The following ADAMTS2 variants were observed in gnomAD, a reference collection of about 807,000 sequenced individuals.
ADAMTS2 encodes the protein ADAM metallopeptidase with thrombospondin type 1 motif 2, also known as A disintegrin and metalloproteinase with thrombospondin motifs 2.
A neutral mutation model predicts 123.0 loss-of-function variants in ADAMTS2; 50 were observed. The observed-to-expected ratio is 0.41, with a 90% CI of 0.32 to 0.51. ADAMTS2 has a LOEUF of 0.51. ADAMTS2 is among the 20% of genes least tolerant of loss of function. ADAMTS2 has a pLI of 0.35. For synonymous variants in ADAMTS2, 678 were observed against 695.4 expected (o/e 0.98, Z 0.39); for missense variants, 1,494 against 1,705.2 (o/e 0.88, Z 2.18).
At position 179,122,686 on chromosome 5, in the gene ADAMTS2, G is replaced by A. The variant is rs750487311; in HGVS notation, c.3046C>T (p.Arg1016Cys). ...CTGCAGGTCCTCGCTGTCTCAGGAC[G>A]CTCCTCCTGGCAGATGCCGAAGCTG... ...DDSFGICQEE[R>C]PETARTCRLG... Residue 1016 changes from arginine (R) to cysteine (C), a missense_variant, in exon 20 of 22, where the codon CGT (arginine) becomes TGT (cysteine). Arg to Cys is a radical substitution (Grantham distance 180). Coordinates refer to ENST00000251582, the MANE Select transcript of ADAMTS2 (RefSeq NM_014244.5). 6.0e-5 allele frequency: 93 copies of A among 1,551,324 alleles called. No homozygotes were observed. Among genetic ancestry groups the A allele is most frequent in the Non-Finnish European group, 7.9e-5 (91 of 1,147,490 alleles).
At chr5:179,127,798 C>T (rs1762884500) in intron 17 of ADAMTS2, among the ~76,000 whole-genome samples, 161 bp downstream of exon 17, 1 of 152,114 alleles carries the variant, frequency 6.6e-6, no homozygotes, top group Non-Finnish European at 1.5e-5. Context: ...CCTGCCCACC[C>T]ACCGGCCCCT....
chr5:179,215,689 T>C (rs1181070499), intron 3 of ADAMTS2, among the ~76,000 whole-genome samples: 1 of 152,106 alleles, frequency 6.6e-6, no homozygotes, highest in Non-Finnish European at 1.5e-5. Context: ...GGGCAAGTGG[T>C]AACAGACTTG....
At chr5:179,165,269 G>A (rs983503373) in intron 5 of ADAMTS2, among the ~76,000 whole-genome samples, 2 of 152,332 alleles carry the variant, frequency 1.3e-5, no homozygotes, top group Non-Finnish European at 2.9e-5. Flanking sequence ...CTGTGCCCTT[G>A]CTATGTATCA....
chr5:179,248,579 G>A (rs930554489), intron 3 of ADAMTS2, among the ~76,000 whole-genome samples: 14 of 152,088 alleles, frequency 9.2e-5, no homozygotes, highest in African/African-American at 3.4e-4. Context: ...AACCAGAAGA[G>A]ACCTGGGATG....
Position 179,158,501 on chromosome 5 carries a change from G to A in ADAMTS2, c.1132+222C>T, listed in dbSNP as rs141913872. Among the ~76,000 whole-genome samples the A allele has an allele frequency of 1.0e-3, 158 of 152,172 alleles. 2 individuals are homozygous for A. The East Asian group carries it at 0.027, about 26-fold the overall frequency. On this transcript the variant is annotated intron_variant, in intron 6 of 21. Coordinates refer to ENST00000251582, the MANE Select transcript of ADAMTS2 (RefSeq NM_014244.5). This position sits in a 1 kb window ranked among gnomAD's most constrained non-coding sequence, Gnocchi z 5.0. ...AATGTCACTTTTGTGACACATTAGC[G>A]TCCCTATACACATAGGTCCAATTCA...
In ADAMTS2 at chr5:179,173,246, T is replaced by TAATAATAATAATAAA. The variant is rs949374832; in HGVS notation, c.975+7825_975+7826insTTTATTATTATTATT. Among the ~76,000 whole-genome samples the TAATAATAATAATAAA allele has an allele frequency of 2.7e-5, 4 of 146,566 alleles. No homozygotes were observed. The South Asian group carries it at 6.5e-4, about 24-fold the overall frequency. Reference sequence around the variant, plus strand: ...ATAATAATAATAATAATAATAATAATAAAAACCATGCTCATCATATTGAAT... The same window carrying TAATAATAATAATAAA: ...ATAATAATAATAATAATAATAATAATAATAATAATAATAAAAAAAACCATGCTCATCATATTGAAT... On this transcript the variant is annotated intron_variant, in intron 5 of 21. Transcript: ENST00000251582.
intron 3 of ADAMTS2, among the ~76,000 whole-genome samples, chr5:179,212,165 G>A (rs1390765283): frequency 1.0e-4 from 16 of 152,384 alleles, no homozygotes; most frequent in African/African-American, 7.2e-5. Context: ...CGGGAGCATC[G>A]TGGGATGGTG....
chr5:179,184,329 C>T (rs145890271), intron 4 of ADAMTS2, among the ~76,000 whole-genome samples: 2,545 of 152,122 alleles, frequency 0.017, 79 homozygotes, highest in African/African-American at 0.056. Context: ...CTGGCCAACA[C>T]GGTGAAACCC....
chr5:179,159,231 CA>C (rs1313064928), intron 5 of ADAMTS2, among the ~76,000 whole-genome samples: 4 of 152,188 alleles, frequency 2.6e-5, no homozygotes, highest in African/African-American at 9.7e-5. Flanking sequence ...CTGTTCCGTG[CA>C]AGGCCTCCAC....
chr5:179,342,711 GCACAGCCAGCCTGACCAC>G (rs1249344563), intron 2 of ADAMTS2, among the ~76,000 whole-genome samples: 1 of 152,242 alleles, frequency 6.6e-6, no homozygotes, highest in Non-Finnish European at 1.5e-5. Context: ...TGTCTGGCCA[GCACAGCCAGCCTGACCAC>G]CACACACCCA....
At chr5:179,245,602 TAAAAATACA>T (rs1561627958) in intron 3 of ADAMTS2, among the ~76,000 whole-genome samples, 1 of 148,646 alleles carries the variant, frequency 6.7e-6, no homozygotes, top group Non-Finnish European at 1.5e-5. Flanking sequence ...CCGTCTCTAC[TAAAAATACA>T]AAAAATTAGC....
In ADAMTS2 at chr5:179,234,906, G is replaced by C. The variant is rs933561732; in HGVS notation, c.689-27191C>G. 7.2e-5 allele frequency among the ~76,000 whole-genome samples: 11 copies of C among 152,146 alleles called. No individual in the cohort carries two copies. Among genetic ancestry groups the C allele is most frequent in the African/African-American group, 2.7e-4 (11 of 41,428 alleles). On this transcript the variant is annotated intron_variant, in intron 3 of 21. Transcript: ENST00000251582. This position sits in a 1 kb window ranked among gnomAD's most constrained non-coding sequence, Gnocchi z 4.7. ...TCCCAAGCCTAGCAGACCCGTGCGG[G>C]AGTGCGAGCACACTGGCTAGGGCCT...
At chr5:179,288,740 C>T (rs1017514906) in intron 2 of ADAMTS2, among the ~76,000 whole-genome samples, 1 of 152,238 alleles carries the variant, frequency 6.6e-6, no homozygotes, top group African/African-American at 2.4e-5. Flanking sequence ...GGCGCACCTG[C>T]CCTCCCTGGA....
At position 179,181,098 on chromosome 5, in the gene ADAMTS2, G is replaced by T; in HGVS notation, c.949C>A (p.Arg317=). 2.5e-6 allele frequency: 4 copies of T among 1,613,814 alleles called. No individual in the cohort carries two copies. Among genetic ancestry groups the T allele is most frequent in the Non-Finnish European group, 3.4e-6 (4 of 1,179,898 alleles). Residue 317 remains arginine (R), a synonymous_variant, in exon 5 of 22, where the codon CGG becomes AGG. Transcript: ENST00000251582. This position sits in a 1 kb window ranked among gnomAD's most constrained non-coding sequence, Gnocchi z 4.1. ...TTTCCATAGCTCAGGAGGATGATCC[G>T]CACCAGGACCACGTTGATGTGGGCA... is the stretch of plus-strand genomic sequence containing the variant. ...LGAHINVVLV[R]IILLSYGKSM...
chr5:179,126,877 G>A (rs755241515), intron 17 of ADAMTS2, among the ~76,000 whole-genome samples: 4 of 147,982 alleles, frequency 2.7e-5, no homozygotes, highest in Middle Eastern at 3.4e-3. Context: ...AGAAGCCTGC[G>A]CAGAGGCCCC....
intron 2 of ADAMTS2, among the ~76,000 whole-genome samples, chr5:179,277,057 G>A (rs1048632730): frequency 6.6e-6 from 1 of 152,074 alleles, no homozygotes; most frequent in African/African-American, 2.4e-5. Context: ...TCCATCTGAT[G>A]CTGCCCTGGG....
In ADAMTS2 at chr5:179,189,812, T is replaced by C. The variant is rs1162071045; in HGVS notation, c.892-8657A>G. Among the ~76,000 whole-genome samples, 2 of 149,396 alleles carry C rather than the reference T, an allele frequency of 1.3e-5. No homozygotes were observed. Among genetic ancestry groups the C allele is most frequent in the East Asian group, 4.0e-4 (2 of 5,000 alleles). The stretch of plus-strand genomic sequence containing the variant: ...GGGAAGAATATTACTAAGTATCTTC[T>C]TAAGTTGGGGGGAGAGAATATTACA... On this transcript the variant is annotated intron_variant, in intron 4 of 21. Coordinates refer to ENST00000251582, the MANE Select transcript of ADAMTS2 (RefSeq NM_014244.5). The surrounding 1 kb of genome is among the most constrained non-coding windows in gnomAD (Gnocchi z 4.2).
intron 3 of ADAMTS2, among the ~76,000 whole-genome samples, chr5:179,208,027 T>C (rs1764749447): frequency 1.3e-5 from 2 of 150,190 alleles, no homozygotes; most frequent in Non-Finnish European, 3.0e-5. Context: ...CTGCTGAGAC[T>C]GTGAGAGACC....
chr5:179,325,711 C>A (rs1216349526), intron 2 of ADAMTS2, among the ~76,000 whole-genome samples: 5 of 152,388 alleles, frequency 3.3e-5, no homozygotes, highest in Admixed American at 3.3e-4. Flanking sequence ...CAGGCAGGAC[C>A]CACGGGGAGG....
Sources: allele counts gnomAD v4.1 joint callset (sites outside exome capture counted in the v4.1 genomes callset), GRCh38; gene constraint gnomAD v4.1.1; non-coding constraint Gnocchi (gnomAD v3.1); transcripts MANE v1.5; gene names NCBI Gene and HGNC (gene_info 2026-07-23, HGNC 2026-07-21).